Variants in SEPTIN3 observed in about 807,000 individuals in gnomAD.
SEPTIN3 encodes the protein neuronal-specific septin-3.
A neutral mutation model predicts 45.1 loss-of-function variants in SEPTIN3; 15 were observed. That is an observed-to-expected ratio of 0.33 (90% CI 0.22 to 0.51). The LOEUF is 0.51. Ranked by LOEUF, SEPTIN3 falls within the 20% of genes least tolerant of loss-of-function variation. The probability of loss-of-function intolerance (pLI) is 0.97; values close to 1 mark genes in which losing one functional copy is unlikely to be tolerated. For synonymous variants in SEPTIN3, 148 were observed against 164.8 expected, an observed-to-expected ratio of 0.90 and a Z score of 0.78; for missense variants, 289 against 457.2, an observed-to-expected ratio of 0.63 and a Z score of 3.35.
chr22:41,970,701 G>C (rs1428208004), intron 1 of SEPTIN3, among the ~76,000 whole-genome samples: 1 of 152,160 alleles, frequency 6.6e-6, no homozygotes, highest in East Asian at 1.9e-4. Context: ...AACAGCCCCA[G>C]CTCAGGTCTA....
Position 41,997,032 on chromosome 22 carries a change from C to G in SEPTIN3, c.*65C>G, listed in dbSNP as rs2078453965. The G allele has an allele frequency of 2.5e-5, 40 of 1,611,456 alleles. No individual in the cohort carries two copies. The highest frequency in any genetic ancestry group is 3.3e-5 in the Non-Finnish European group (39 of 1,179,018). On this transcript the variant is annotated 3_prime_UTR_variant, in exon 12 of 12. Coordinates refer to ENST00000644076, the MANE Select transcript of SEPTIN3 (RefSeq NM_001363845.2). ...GCTGTTATTGCTGCAGGGCCAAGCC[C>G]TTTTTAGTGCTGTGCTCGTCCAGCT...
Position 41,972,370 on chromosome 22 carries a change from C to T in SEPTIN3, c.878C>T (p.Thr293Ile), listed in dbSNP as rs959367985. 1.0e-5 allele frequency: 4 copies of T among 399,042 alleles called. No homozygotes were observed. The highest frequency in any genetic ancestry group is 4.1e-5 in the African/African-American group (2 of 48,650). The allele number at this position is 399,042 out of a possible 1,614,324, so 24.7% of individuals were successfully genotyped here. ...ACACCAAACACATCCCAACTGGACA[C>T]AGGCACAGAGTTCCCTGCCCTGGAT... ...LATPNTSQLDTGTEFPALDIK... is the reference protein window; with the variant it reads ...LATPNTSQLDIGTEFPALDIK... Residue 293 changes from threonine to isoleucine, a missense_variant, in exon 2 of 12, where the codon ACA (threonine) becomes ATA (isoleucine). Coordinates refer to ENST00000644076, the MANE Select transcript of SEPTIN3 (RefSeq NM_001363845.2).
intron 2 of SEPTIN3, among the ~76,000 whole-genome samples, chr22:41,980,223 C>T (rs772040422): frequency 5.3e-5 from 8 of 149,846 alleles, no homozygotes; most frequent in Non-Finnish European, 8.9e-5. Context: ...ACTGCAACTC[C>T]GCCTTCCGAT....
At chr22:41,992,248 G>A (rs929607535) in intron 8 of SEPTIN3, among the ~76,000 whole-genome samples, 5 of 152,024 alleles carry the variant, frequency 3.3e-5, no homozygotes, top group Admixed American at 6.6e-5. Context: ...GCATGGTGGC[G>A]CATGCCTGTA....
chr22:41,995,028 C>T, intron 11 of SEPTIN3: 8 of 1,217,988 alleles, frequency 6.6e-6, no homozygotes, highest in Non-Finnish European at 8.3e-6. Flanking sequence ...CATGCCTGTC[C>T]ATTATCTGTC....
Position 41,979,092 on chromosome 22 carries a change from TA to T in SEPTIN3, c.1505-2552del, listed in dbSNP as rs1569436930. Among the ~76,000 whole-genome samples, 5 of 152,266 alleles carry T rather than the reference TA, an allele frequency of 3.3e-5. No homozygotes were observed. The South Asian group carries it at 1.0e-3, about 32-fold the overall frequency. ...GGCTGACTTGCCAGCAGGCGCTGTG[TA>T]CAGTGCACACAGTGGGTGCTCATAT... On this transcript the variant is annotated intron_variant, in intron 2 of 11. Coordinates refer to ENST00000644076, the MANE Select transcript of SEPTIN3 (RefSeq NM_001363845.2).
intron 3 of SEPTIN3, 147 bp from the exon 4 acceptor site, chr22:41,985,837 C>A: frequency 1.1e-6 from 1 of 938,552 alleles, no homozygotes; most frequent in Non-Finnish European, 1.5e-6. Context: ...GCCTGCAATC[C>A]CCACTCAGCC....
intron 6 of SEPTIN3, among the ~76,000 whole-genome samples, chr22:41,988,421 C>G (rs982977510): frequency 1.3e-5 from 2 of 151,790 alleles, no homozygotes; most frequent in African/African-American, 4.8e-5. Context: ...CTGCAGAGAC[C>G]GGGGGAGGGG....
chr22:41,985,323 GCA>G (rs1437851464), intron 3 of SEPTIN3, among the ~76,000 whole-genome samples: 2 of 152,200 alleles, frequency 1.3e-5, no homozygotes, highest in Non-Finnish European at 2.9e-5. Flanking sequence ...GCCCTCTCTG[GCA>G]TGTATCTTCA....
intron 6 of SEPTIN3, among the ~76,000 whole-genome samples, chr22:41,989,348 A>G (rs4820454): frequency 0.76 from 115,954 of 151,972 alleles, 44,431 homozygotes; most frequent in East Asian, 0.9. Context: ...AGAGAGGCAG[A>G]ATCTGCAAGG....
In SEPTIN3 at chr22:41,982,064, T is replaced by G. The variant is rs937358159; in HGVS notation, c.1696+228T>G. On this transcript the variant is annotated intron_variant, in intron 3 of 11. Coordinates refer to ENST00000644076, the MANE Select transcript of SEPTIN3 (RefSeq NM_001363845.2). Reference sequence around the variant, plus strand: ...GCCAGCCCAGCCCCCCATCACCAGCTCGGTGTACACAGGCAGCCCCTTCAC... The same window carrying G: ...GCCAGCCCAGCCCCCCATCACCAGCGCGGTGTACACAGGCAGCCCCTTCAC... The G allele has an allele frequency of 1.1e-5, 6 of 567,624 alleles. No individual in the cohort carries two copies. The East Asian group carries it at 1.8e-4, about 17-fold the overall frequency. The allele number at this position is 567,624 out of a possible 1,614,324, so 35.2% of individuals were successfully genotyped here. A position where few individuals can be genotyped will look rare whatever the true frequency, so the allele number is the denominator to read the frequency against.
intron 11 of SEPTIN3, chr22:41,995,509 C>G (rs1244678963): frequency 1.6e-5 from 16 of 985,496 alleles, no homozygotes; most frequent in Non-Finnish European, 1.9e-5. Context: ...TTCTCCCTTT[C>G]CCTCCTTCCC....
intron 2 of SEPTIN3, chr22:41,977,087 G>T (rs753088009): frequency 6.3e-7 from 1 of 1,595,536 alleles, no homozygotes; most frequent in Non-Finnish European, 8.5e-7. Flanking sequence ...AGGGCGGCCG[G>T]CCAGGCCACC....
At chr22:41,988,547 AAG>A (rs1750414866) in intron 6 of SEPTIN3, among the ~76,000 whole-genome samples, 1 of 152,132 alleles carries the variant, frequency 6.6e-6, no homozygotes, top group South Asian at 2.1e-4. Flanking sequence ...GTAGGGGGAG[AAG>A]AGAGATGAAA....
At position 41,987,290 on chromosome 22, in the gene SEPTIN3, ATCTG is replaced by A. The variant is rs1196573146; in HGVS notation, c.1907+8_1907+11del. On this transcript the variant is annotated splice_donor_5th_base_variant and intron_variant, in intron 5 of 11. Transcript: ENST00000644076. ...GACCAAATCAACAATGAAAACTGGT[ATCTG>A]TCTGCCTCTGAGATCTTTGCCCTAA... The A allele has an allele frequency of 1.2e-6, 2 of 1,610,876 alleles. No homozygotes were observed. The highest frequency in any genetic ancestry group is 1.7e-4 in the Middle Eastern group (1 of 6,040).
chr22:41,985,824 C>G, intron 3 of SEPTIN3, 160 bp from the exon 4 acceptor site: 1 of 779,028 alleles, frequency 1.3e-6, no homozygotes, highest in South Asian at 1.9e-5. Context: ...GCCATTCCCA[C>G]CTGCCTGCAA....
At chr22:41,990,133 C>T (rs759069323) in intron 7 of SEPTIN3, among the ~76,000 whole-genome samples, 13 of 151,554 alleles carry the variant, frequency 8.6e-5, no homozygotes, top group African/African-American at 7.3e-5. Flanking sequence ...CTCCGCCTTA[C>T]GGGTTCACGC....
chr22:41,987,827 G>C (rs771780572), intron 6 of SEPTIN3, 68 bp downstream of exon 6: 1 of 1,533,190 alleles, frequency 6.5e-7, no homozygotes, highest in Non-Finnish European at 8.9e-7. Context: ...CATCTGGATT[G>C]GATGATCCAT....
chr22:41,987,839 C>A, intron 6 of SEPTIN3, 80 bp downstream of exon 6: 2 of 1,481,838 alleles, frequency 1.3e-6, no homozygotes, highest in Non-Finnish European at 1.8e-6. Flanking sequence ...ATGATCCATA[C>A]GTTGACTCAG....
Sources: gnomAD v4.1 joint callset for allele counts (sites outside exome capture counted in the v4.1 genomes callset) on GRCh38, gnomAD v4.1.1 for gene constraint, MANE v1.5 for transcripts, NCBI Gene and HGNC (gene_info 2026-07-23, HGNC 2026-07-21) for gene names.